Variants in PIEZO2 observed in about 807,000 individuals in gnomAD.
The protein encoded by PIEZO2 is piezo-type mechanosensitive ion channel component 2.
A neutral mutation model predicts 337.3 loss-of-function variants in PIEZO2; 172 were observed. The ratio of observed to expected loss-of-function variants is 0.51; its 90% CI spans 0.45 to 0.58. The LOEUF is 0.58. Ranked by LOEUF, PIEZO2 falls within the 20% of genes least tolerant of loss-of-function variation. The pLI, the probability that PIEZO2 is intolerant of heterozygous loss-of-function variation, is 0.00. For synonymous variants in PIEZO2, 1,251 were observed against 1,228.5 expected (o/e 1.02, Z -0.38); for missense variants, 3,028 against 3,391.3 (o/e 0.89, Z 2.66).
At chr18:11,005,579 G>A (rs977638663) in intron 2 of PIEZO2, among the ~76,000 whole-genome samples, 3 of 152,160 alleles carry the variant, frequency 2.0e-5, no homozygotes, top group African/African-American at 4.8e-5. Context: ...GTAGATTAGC[G>A]ACTGCTAATG....
At chr18:11,141,667 C>T (rs114717407) in intron 1 of PIEZO2, among the ~76,000 whole-genome samples, 4 of 152,194 alleles carry the variant, frequency 2.6e-5, no homozygotes, top group Admixed American at 6.5e-5. Flanking sequence ...AGCAGACGAA[C>T]GGCTTGTTCA....
chr18:10,826,736 T>C (rs2040688657), intron 7 of PIEZO2, among the ~76,000 whole-genome samples: 2 of 152,242 alleles, frequency 1.3e-5, no homozygotes, highest in Non-Finnish European at 2.9e-5. Flanking sequence ...CATTAAGGCA[T>C]ACTCTTTATG....
rs11080466 is a variant in PIEZO2 at position 10,899,030 on chromosome 18, A to G, written c.329+12156T>C. Among the ~76,000 whole-genome samples the G allele has an allele frequency of 0.31, 47,519 of 152,082 alleles. 7,499 individuals carry two copies. Among genetic ancestry groups the G allele is most frequent in the Non-Finnish European group, 0.34 (23,172 of 67,978 alleles). On this transcript the variant is annotated intron_variant, in intron 4 of 55. Transcript: ENST00000674853. This position sits in a 1 kb window ranked among gnomAD's most constrained non-coding sequence, Gnocchi z 4.6. ...CAGAGAATACAACATGTATTTAGGC[A>G]GCTTCACATCCAGGCAACGGGATTG...
At chr18:11,051,368 T>TGTGTGG (rs769212730) in intron 2 of PIEZO2, among the ~76,000 whole-genome samples, 2 of 145,222 alleles carry the variant, frequency 1.4e-5, no homozygotes, top group African/African-American at 5.0e-5. Context: ...TGTGTGTGTG[T>TGTGTGG]GGGTGTGGGT....
At chr18:10,754,346 C>T (rs2037756731) in intron 27 of PIEZO2, among the ~76,000 whole-genome samples, 1 of 152,226 alleles carries the variant, frequency 6.6e-6, no homozygotes, top group Non-Finnish European at 1.5e-5. Flanking sequence ...GAGCTGACCC[C>T]TGTTGGAGAG....
chr18:10,726,387 G>A lies in PIEZO2; in HGVS notation c.5029+5020C>T, dbSNP rs887711037. On this transcript the variant is annotated intron_variant, in intron 36 of 55. Transcript: ENST00000674853. This position sits in a 1 kb window ranked among gnomAD's most constrained non-coding sequence, Gnocchi z 5.9. The stretch of plus-strand genomic sequence containing the variant: ...CGCAGGCACCCACTACCTGCGGGGC[G>A]GTAACAACGCGCGCCAGCCGTGGCA... 2.1e-5 allele frequency: 32 copies of A among 1,523,254 alleles called. No homozygotes were observed. The African/African-American group carries it at 2.8e-4, about 13-fold the overall frequency. 94.4% of individuals were successfully genotyped at this position (1,523,254 alleles called of 1,614,324 possible).
chr18:10,882,787 T>A (rs991951430), intron 4 of PIEZO2, among the ~76,000 whole-genome samples: 1 of 152,044 alleles, frequency 6.6e-6, no homozygotes, highest in African/African-American at 2.4e-5. Flanking sequence ...ATTTCACTAT[T>A]TTTTCATGGC....
In PIEZO2 at chr18:10,864,417, T is replaced by C. The variant is rs563792305; in HGVS notation, c.492+6836A>G. On this transcript the variant is annotated intron_variant, in intron 5 of 55. Coordinates refer to ENST00000674853, the MANE Select transcript of PIEZO2 (RefSeq NM_001378183.1). Reference sequence around the variant, plus strand: ...TTGAGAATATAAGGTCCTAAGGACATTGAGAGAAAAAAGAGATTACGTCTG... The same window carrying C: ...TTGAGAATATAAGGTCCTAAGGACACTGAGAGAAAAAAGAGATTACGTCTG... 1.5e-4 allele frequency among the ~76,000 whole-genome samples: 23 copies of C among 152,264 alleles called. No homozygotes were observed. In the South Asian group the frequency reaches 2.3e-3, roughly 15 times the overall value.
chr18:11,094,506 G>C lies in PIEZO2; in HGVS notation c.65-28284C>G, dbSNP rs953350889. ...GACTCAGACAGTTGTAGGTGCCTGA[G>C]AGTAACAGCAGCAAGCCAGCAACTC... On this transcript the variant is annotated intron_variant, in intron 1 of 55. Transcript: ENST00000674853. This position sits in a 1 kb window ranked among gnomAD's most constrained non-coding sequence, Gnocchi z 4.4. Among the ~76,000 whole-genome samples the C allele has an allele frequency of 6.6e-6, 1 of 152,160 alleles. No homozygotes were observed. The highest frequency in any genetic ancestry group is 1.5e-5 in the Non-Finnish European group (1 of 68,034).
chr18:10,755,188 C>T (rs978445770), intron 27 of PIEZO2, among the ~76,000 whole-genome samples: 7 of 152,142 alleles, frequency 4.6e-5, no homozygotes, highest in Non-Finnish European at 1.0e-4. Context: ...AGATGATCCA[C>T]ACCATGTAAA....
At chr18:11,139,926 C>T (rs1436880989) in intron 1 of PIEZO2, among the ~76,000 whole-genome samples, 1 of 152,174 alleles carries the variant, frequency 6.6e-6, no homozygotes, top group Non-Finnish European at 1.5e-5. Flanking sequence ...ACCATGACCA[C>T]CTACCCAATG....
Position 10,689,972 on chromosome 18 carries a change from T to TA in PIEZO2, c.7350-171dup, listed in dbSNP as rs2034731064. 3.9e-5 allele frequency among the ~76,000 whole-genome samples: 6 copies of TA among 152,378 alleles called. 1 individual carries two copies. The South Asian group carries it at 1.2e-3, about 32-fold the overall frequency. On this transcript the variant is annotated intron_variant, in intron 48 of 55. Transcript: ENST00000674853. Reference sequence around the variant, plus strand: ...CTTGGAACACAACTGCTTTTCATTATAAGTCGAATCTATGGATTTGTATTT... The same window carrying TA: ...CTTGGAACACAACTGCTTTTCATTATAAAGTCGAATCTATGGATTTGTATTT...
intron 2 of PIEZO2, among the ~76,000 whole-genome samples, chr18:11,007,238 AG>A (rs1449379881): frequency 6.6e-6 from 1 of 152,254 alleles, no homozygotes; most frequent in Non-Finnish European, 1.5e-5. Flanking sequence ...TCCCAGATTT[AG>A]TCATAACAGA....
chr18:10,914,063 C>A (rs1350282112), intron 3 of PIEZO2, among the ~76,000 whole-genome samples: 1 of 152,114 alleles, frequency 6.6e-6, no homozygotes, highest in Non-Finnish European at 1.5e-5. Context: ...TTTGGCACCA[C>A]GAATATTTCT....
At chr18:10,788,984 T>C in intron 15 of PIEZO2, 95 bp downstream of exon 15, 2 of 1,312,306 alleles carry the variant, frequency 1.5e-6, no homozygotes, top group Non-Finnish European at 2.0e-6. Flanking sequence ...TTATCCATGT[T>C]CATGAGATTC....
At chr18:10,949,834 A>G (rs1033107084) in intron 3 of PIEZO2, among the ~76,000 whole-genome samples, 1 of 152,202 alleles carries the variant, frequency 6.6e-6, no homozygotes, top group African/African-American at 2.4e-5. Flanking sequence ...CTATTTCTCA[A>G]CTTACATCCT....
At position 11,132,451 on chromosome 18, in the gene PIEZO2, G is replaced by A. The variant is rs1437989252; in HGVS notation, c.64+16074C>T. Reference sequence around the variant, plus strand: ...TAGGTAACAGTACTTTGCAGGGCTGGGGCAAAGTTCTCCAGAAGGCCGTGT... The same window carrying A: ...TAGGTAACAGTACTTTGCAGGGCTGAGGCAAAGTTCTCCAGAAGGCCGTGT... On this transcript the variant is annotated intron_variant, in intron 1 of 55. Transcript: ENST00000674853. The surrounding 1 kb of genome is among the most constrained non-coding windows in gnomAD (Gnocchi z 4.7). Among the ~76,000 whole-genome samples, 1 of 152,118 alleles carries A rather than the reference G, an allele frequency of 6.6e-6. No individual in the cohort carries two copies.
At position 10,953,771 on chromosome 18, in the gene PIEZO2, C is replaced by A. The variant is rs1181350118; in HGVS notation, c.286+25764G>T. On this transcript the variant is annotated intron_variant, in intron 3 of 55. Transcript: ENST00000674853. This position sits in a 1 kb window ranked among gnomAD's most constrained non-coding sequence, Gnocchi z 5.2. ...ATCTACTCATGGTCCTGCGGGAGGA[C>A]ACTGCACACCACACAGGGCCACACC... Among the ~76,000 whole-genome samples, 1 of 152,110 alleles carries A rather than the reference C, an allele frequency of 6.6e-6. No individual in the cohort carries two copies. Among genetic ancestry groups the A allele is most frequent in the African/African-American group, 2.4e-5 (1 of 41,410 alleles).
At chr18:11,056,433 G>T (rs1420417337) in intron 2 of PIEZO2, among the ~76,000 whole-genome samples, 1 of 152,144 alleles carries the variant, frequency 6.6e-6, no homozygotes, top group Non-Finnish European at 1.5e-5. Context: ...AGTGTGGATG[G>T]AACTAAATTT....
Sources: allele counts gnomAD v4.1 joint callset (sites outside exome capture counted in the v4.1 genomes callset), GRCh38; gene constraint gnomAD v4.1.1; non-coding constraint Gnocchi (gnomAD v3.1); transcripts MANE v1.5; gene names NCBI Gene and HGNC (gene_info 2026-07-23, HGNC 2026-07-21).